The following TTLL5 variants were observed in gnomAD, a reference collection of about 807,000 sequenced individuals.
TTLL5 encodes tubulin polyglutamylase TTLL5.
TTLL5 carries 132 observed loss-of-function variants against 168.4 expected under a neutral mutation model. The ratio of observed to expected loss-of-function variants is 0.78; its 90% CI spans 0.68 to 0.91. TTLL5 has a LOEUF of 0.91. Ranked by LOEUF, TTLL5 falls within the 40% of genes least tolerant of loss-of-function variation. TTLL5 has a pLI of 0.00. For synonymous variants in TTLL5, 546 were observed against 558.6 expected, an observed-to-expected ratio of 0.98 and a Z score of 0.32; for missense variants, 1,545 against 1,581.5, an observed-to-expected ratio of 0.98 and a Z score of 0.39.
intron 6 of TTLL5, among the ~76,000 whole-genome samples, chr14:75,693,810 CAT>C (rs1280958651): frequency 1.3e-5 from 2 of 152,216 alleles, no homozygotes; most frequent in African/African-American, 4.8e-5. Context: ...GTGATTCTAA[CAT>C]GTGAATTTTC....
intron 31 of TTLL5, among the ~76,000 whole-genome samples, chr14:75,915,299 A>C (rs373388305): frequency 1.3e-5 from 2 of 152,330 alleles, no homozygotes; most frequent in East Asian, 1.9e-4. Flanking sequence ...AAAATTTATC[A>C]TCATGGTTCC....
chr14:75,754,656 A>C (rs1890138456), intron 18 of TTLL5, among the ~76,000 whole-genome samples: 1 of 152,240 alleles, frequency 6.6e-6, no homozygotes. Context: ...CTTTGTTAAC[A>C]TATTAAATAG....
chr14:75,836,872 T>C (rs989837547), intron 28 of TTLL5, among the ~76,000 whole-genome samples: 1 of 152,202 alleles, frequency 6.6e-6, no homozygotes, highest in East Asian at 1.9e-4. Context: ...TGCCCTAAAT[T>C]GTGCTGTGTT....
At chr14:75,712,340 G>T (rs1163988483) in intron 9 of TTLL5, 2 of 151,148 alleles carry the variant, frequency 1.3e-5, no homozygotes, top group Non-Finnish European at 2.9e-5. Flanking sequence ...CCACAGCGAG[G>T]TCGAGGCTGG....
chr14:75,779,556 C>A lies in TTLL5; in HGVS notation c.2388-19C>A. On this transcript the variant is annotated intron_variant, in intron 23 of 31. Coordinates refer to ENST00000298832, the MANE Select transcript of TTLL5 (RefSeq NM_015072.5). Reference sequence around the variant, plus strand: ...CAGAATAGCTTCCTGTCTGACCATACTTTTTCTCCTCATTTCAGTGAGGCT... The same window carrying A: ...CAGAATAGCTTCCTGTCTGACCATAATTTTTCTCCTCATTTCAGTGAGGCT... The A allele has an allele frequency of 6.2e-7, 1 of 1,609,196 alleles. No homozygotes were observed. Among genetic ancestry groups the A allele is most frequent in the Non-Finnish European group, 8.5e-7 (1 of 1,178,530 alleles).
chr14:75,764,558 T>C, intron 18 of TTLL5, 57 bp from the exon 19 acceptor site: 2 of 1,596,802 alleles, frequency 1.3e-6, no homozygotes, highest in Non-Finnish European at 1.7e-6. Context: ...AGCTTAGCCT[T>C]GGAATGAAGG....
intron 30 of TTLL5, among the ~76,000 whole-genome samples, chr14:75,888,066 GC>G (rs2032206460): frequency 6.6e-6 from 1 of 152,188 alleles, no homozygotes; most frequent in Admixed American, 6.5e-5. Flanking sequence ...GAGGGGCAGG[GC>G]CTGAGGGTAG....
At chr14:75,817,521 G>T (rs1894500453) in intron 27 of TTLL5, among the ~76,000 whole-genome samples, 1 of 152,038 alleles carries the variant, frequency 6.6e-6, no homozygotes, top group African/African-American at 2.4e-5. Context: ...TTCACTTACT[G>T]AATTCTATAA....
intron 28 of TTLL5, among the ~76,000 whole-genome samples, chr14:75,854,320 G>T (rs1897026887): frequency 6.6e-6 from 1 of 152,090 alleles, no homozygotes; most frequent in Admixed American, 6.5e-5. Context: ...TCAATACAGT[G>T]TTTTTGAGAT....
chr14:75,816,733 CT>C (rs1894430498), intron 27 of TTLL5, among the ~76,000 whole-genome samples: 1 of 152,082 alleles, frequency 6.6e-6, no homozygotes, highest in Non-Finnish European at 1.5e-5. Context: ...TCTCACTGTA[CT>C]TTTTCTGTAA....
At chr14:75,796,541 A>G (rs8022705) in intron 27 of TTLL5, among the ~76,000 whole-genome samples, 254 of 152,180 alleles carry the variant, frequency 1.7e-3, no homozygotes, top group African/African-American at 5.4e-3. Context: ...ATCTTCTAGA[A>G]TTTTTATGGT....
chr14:75,810,632 A>C (rs770790104), intron 27 of TTLL5, among the ~76,000 whole-genome samples: 1 of 152,152 alleles, frequency 6.6e-6, no homozygotes, highest in Non-Finnish European at 1.5e-5. Flanking sequence ...CCCTCAAAGC[A>C]CTGTGATTAC....
At chr14:75,914,619 GTTTTTTTTTTTTTT>G (rs10571332) in intron 31 of TTLL5, among the ~76,000 whole-genome samples, 143 of 96,078 alleles carry the variant, frequency 1.5e-3, no homozygotes, top group African/African-American at 4.8e-3. Context: ...CACTACTCTT[GTTTTTTTTTTTTTT>G]TTTTTTTTGA....
At chr14:75,904,509 C>T (rs1050363407) in intron 31 of TTLL5, among the ~76,000 whole-genome samples, 7 of 152,262 alleles carry the variant, frequency 4.6e-5, no homozygotes, top group Non-Finnish European at 1.0e-4. Flanking sequence ...CAGTTGGAAA[C>T]TTGGGTGGTC....
intron 28 of TTLL5, among the ~76,000 whole-genome samples, chr14:75,842,190 G>T: frequency 6.6e-6 from 1 of 152,174 alleles, no homozygotes; most frequent in East Asian, 1.9e-4. Context: ...CATCCAAAAA[G>T]CCTATCCCAG....
Position 75,950,300 on chromosome 14 carries a change from T to C in TTLL5, c.3824-4124T>C, listed in dbSNP as rs572701006. 7.2e-5 allele frequency among the ~76,000 whole-genome samples: 11 copies of C among 152,278 alleles called. No individual in the cohort carries two copies. The East Asian group carries it at 1.7e-3, about 24-fold the overall frequency. ...GAGACTTAAATATGAAAAGCAAAAG[T>C]GTAAATCTTTAAGAATACATTAGAG... On this transcript the variant is annotated intron_variant, in intron 31 of 31. Transcript: ENST00000298832.
chr14:75,707,732 G>A (rs1353807225), intron 9 of TTLL5, 25 bp downstream of exon 9: 1 of 1,575,388 alleles, frequency 6.3e-7, no homozygotes, highest in Non-Finnish European at 8.7e-7. Flanking sequence ...GGGGGTGAAG[G>A]GGTTGGGTGG....
intron 31 of TTLL5, 131 bp downstream of exon 31, chr14:75,902,355 G>T: frequency 1.1e-6 from 1 of 936,042 alleles, no homozygotes; most frequent in South Asian, 1.5e-5. Flanking sequence ...CAAAACATTG[G>T]CAAATGGGCA....
chr14:75,863,982 C>A, intron 29 of TTLL5, 120 bp downstream of exon 29: 1 of 1,111,558 alleles, frequency 9.0e-7, no homozygotes, highest in Non-Finnish European at 1.2e-6. Flanking sequence ...CCCGTGCCAT[C>A]CTGGCTTGGA....
Sources: allele counts gnomAD v4.1 joint callset (sites outside exome capture counted in the v4.1 genomes callset), GRCh38; gene constraint gnomAD v4.1.1; transcripts MANE v1.5; gene names NCBI Gene and HGNC (gene_info 2026-07-23, HGNC 2026-07-21).